The following EIF1AX variants were observed in gnomAD, a reference collection of about 807,000 sequenced individuals.
EIF1AX encodes the protein eukaryotic translation initiation factor 1A X-linked.
EIF1AX carries 1 observed loss-of-function variant against 16.1 expected under a neutral mutation model. That is an observed-to-expected ratio of 0.06 (90% confidence interval 0.02 to 0.30). The LOEUF (loss-of-function observed/expected upper bound fraction) is 0.30. Ranked by LOEUF, EIF1AX falls within the 10% of genes least tolerant of loss-of-function variation. EIF1AX has a pLI of 1.00. For synonymous variants in EIF1AX, 32 were observed against 37.3 expected, an observed-to-expected ratio of 0.86 and a Z score of 0.51; for missense variants, 11 against 109.1, an observed-to-expected ratio of 0.10 and a Z score of 4.00.
intron 2 of EIF1AX, among the ~76,000 whole-genome samples, chrX:20,137,240 C>A (rs370501921): frequency 9.9e-5 from 11 of 110,653 alleles, no homozygotes; most frequent in African/African-American, 3.3e-4. Context: ...GTTAGGAGAT[C>A]GAGACCCATC....
intron 5 of EIF1AX, 132 bp from the exon 6 acceptor site, chrX:20,130,739 C>G: frequency 1.7e-6 from 1 of 587,576 alleles, no homozygotes; most frequent in South Asian, 6.8e-5. Context: ...TGCAGTGTCA[C>G]TGCTAAGTCA....
rs1470254242 is a variant in EIF1AX at position 20,127,104 on chromosome X, TA to T, written c.*1201del. ...GTTTCATTTTATTAGAGTTGACCAC[TA>T]AAAACTAAATAAGGAAGTTACCAGT... is the stretch of plus-strand genomic sequence containing the variant. On this transcript the variant is annotated 3_prime_UTR_variant, in exon 7 of 7. Transcript: ENST00000379607. The T allele has an allele frequency of 6.7e-6, 1 of 149,640 alleles. No homozygotes were observed. The highest frequency in any genetic ancestry group is 1.3e-5 in the Non-Finnish European group (1 of 74,440). The allele number at this position is 149,640 out of a possible 1,213,427, so 12.3% of individuals were successfully genotyped here. A position where few individuals can be genotyped will look rare whatever the true frequency, so the allele number is the denominator to read the frequency against.
At chrX:20,141,227 A>G (rs1169285447) in intron 1 of EIF1AX, among the ~76,000 whole-genome samples, 1 of 111,335 alleles carries the variant, frequency 9.0e-6, no homozygotes, top group African/African-American at 3.3e-5. Flanking sequence ...AGCACTCTGA[A>G]AGTTCAGAAC....
intron 4 of EIF1AX, among the ~76,000 whole-genome samples, chrX:20,132,552 C>T (rs959220841): frequency 8.9e-6 from 1 of 111,780 alleles, no homozygotes; most frequent in Non-Finnish European, 1.9e-5. Flanking sequence ...TTAATATTAC[C>T]CTTTGATCAG....
intron 4 of EIF1AX, among the ~76,000 whole-genome samples, chrX:20,132,922 G>A (rs1407134977): frequency 8.9e-6 from 1 of 112,000 alleles, no homozygotes; most frequent in Non-Finnish European, 1.9e-5. Context: ...TCAACTTCAA[G>A]GACAGTGTGA....
At chrX:20,134,481 T>TA (rs369662711) in intron 3 of EIF1AX, among the ~76,000 whole-genome samples, 120 of 111,946 alleles carry the variant, frequency 1.1e-3, no homozygotes, top group African/African-American at 3.6e-3. Flanking sequence ...CTCACGCCTA[T>TA]AATCCCAGCA....
chrX:20,130,302 CA>C (rs773734086), intron 6 of EIF1AX, among the ~76,000 whole-genome samples: 676 of 28,457 alleles, frequency 0.024, no homozygotes, highest in Non-Finnish European at 0.039. Context: ...AACTCCATCA[CA>C]AAAAAAAAAA....
At chrX:20,131,932 A>G (rs1288001024) in intron 5 of EIF1AX, among the ~76,000 whole-genome samples, 1 of 108,527 alleles carries the variant, frequency 9.2e-6, no homozygotes, top group African/African-American at 3.4e-5. Context: ...ATACTATAAC[A>G]AAATTATTCC....
At chrX:20,136,075 G>C in intron 2 of EIF1AX, 1 of 340,717 alleles carries the variant, frequency 2.9e-6, no homozygotes, top group Non-Finnish European at 5.3e-6. Flanking sequence ...CTGAGCTCAG[G>C]TCAAGTGTAG....
intron 1 of EIF1AX, among the ~76,000 whole-genome samples, chrX:20,141,179 A>G (rs2067032862): frequency 9.0e-6 from 1 of 111,647 alleles, no homozygotes; most frequent in African/African-American, 3.3e-5. Context: ...TCCATAAAGA[A>G]ACCCATGCAG....
At chrX:20,133,496 AATTATTT>A (rs2067006826) in intron 4 of EIF1AX, among the ~76,000 whole-genome samples, 1 of 108,162 alleles carries the variant, frequency 9.2e-6, no homozygotes, top group African/African-American at 3.5e-5. Context: ...TGAAGATTTA[AATTATTT>A]ATTCTGGGTT....
chrX:20,136,474 A>G (rs1369329079), intron 2 of EIF1AX: 8 of 167,910 alleles, frequency 4.8e-5, no homozygotes, highest in Non-Finnish European at 6.0e-5. Context: ...TTATCGACTC[A>G]TTCTGAATAA....
chrX:20,140,534 C>T (rs974600663), intron 1 of EIF1AX: 2 of 112,028 alleles, frequency 1.8e-5, no homozygotes, highest in African/African-American at 6.5e-5. Flanking sequence ...GCACAGAACA[C>T]CTCGACCAAG....
rs1312185762 is a variant in EIF1AX at position 20,132,219 on chromosome X, A to G, written c.300T>C (p.Ala100=). The stretch of plus-strand genomic sequence containing the variant: ...GCTCGCCGTATGCCTTCAGACTTCT[A>G]GCTTCGTCTGCATTGTATTTTAAAA... ...DVILKYNADE[A]RSLKAYGELP... Residue 100 remains alanine, a synonymous_variant, in exon 5 of 7, where the codon GCT becomes GCC. Coordinates refer to ENST00000379607, the MANE Select transcript of EIF1AX (RefSeq NM_001412.4). 2.5e-6 allele frequency: 3 copies of G among 1,206,404 alleles called. No homozygotes were observed. The highest frequency in any genetic ancestry group is 3.4e-6 in the Non-Finnish European group (3 of 892,716).
chrX:20,133,366 T>C (rs1175470265), intron 4 of EIF1AX, among the ~76,000 whole-genome samples: 2 of 111,224 alleles, frequency 1.8e-5, no homozygotes, highest in African/African-American at 6.6e-5. Context: ...AGCCTCTATC[T>C]ACTACATGCT....
intron 2 of EIF1AX, among the ~76,000 whole-genome samples, chrX:20,137,711 A>G (rs1431294011): frequency 1.8e-5 from 2 of 111,898 alleles, no homozygotes; most frequent in Non-Finnish European, 3.8e-5. Flanking sequence ...ACGAAGTTAT[A>G]TGCTAATGGC....
At chrX:20,128,831 A>G (rs2066992812) in intron 6 of EIF1AX, among the ~76,000 whole-genome samples, 1 of 111,771 alleles carries the variant, frequency 8.9e-6, no homozygotes, top group African/African-American at 3.3e-5. Context: ...GCCCAGATCC[A>G]GAAATTTTTA....
At chrX:20,133,387 C>T (rs893330791) in intron 4 of EIF1AX, among the ~76,000 whole-genome samples, 16 of 111,464 alleles carry the variant, frequency 1.4e-4, no homozygotes, top group Non-Finnish European at 2.4e-4. Context: ...AGCAGCACTG[C>T]ACCCATCCCC....
rs1205073984 is a variant in EIF1AX at position 20,133,990 on chromosome X, C to T, written c.222G>A (p.Ser74=). 14 of 1,200,156 alleles carry T rather than the reference C, an allele frequency of 1.2e-5. No individual in the cohort carries two copies. Among genetic ancestry groups the T allele is most frequent in the South Asian group, 9.2e-5 (5 of 54,587 alleles). ...CTCGGAGACCAACCAAAATAATGTC[C>T]GAGGTATTTATCCAAACCTACAAAA... ...KLRKKVWINT[S]DIILVGLRDY... is the part of the protein sequence containing the mutation. The change falls in exon 4 of 7, where the codon TCG becomes TCA. Residue 74 remains serine, a synonymous_variant. Transcript: ENST00000379607.
Sources: gnomAD v4.1 joint callset for allele counts (sites outside exome capture counted in the v4.1 genomes callset) on GRCh38, gnomAD v4.1.1 for gene constraint, MANE v1.5 for transcripts, NCBI Gene and HGNC (gene_info 2026-07-23, HGNC 2026-07-21) for gene names.